PARPBP: variants seen among roughly 807,000 people sequenced by gnomAD.
PARPBP encodes the protein PCNA-interacting partner.
PARPBP carries 52 observed loss-of-function variants against 50.0 expected under a neutral mutation model. The ratio of observed to expected loss-of-function variants is 1.04; its 90% CI spans 0.83 to 1.31. PARPBP has a LOEUF of 1.31. PARPBP is among the 50% of genes most tolerant of loss of function. The probability of loss-of-function intolerance (pLI) is 0.00; values close to 1 mark genes in which losing one functional copy is unlikely to be tolerated. For missense variants in PARPBP, 697 were observed against 672.0 expected (o/e 1.04, Z -0.41); for synonymous variants, 244 against 232.1 (o/e 1.05, Z -0.47).
intron 9 of PARPBP, among the ~76,000 whole-genome samples, chr12:102,189,731 A>G (rs1360005839): frequency 6.6e-6 from 1 of 152,156 alleles, no homozygotes; most frequent in African/African-American, 2.4e-5. Context: ...GTGAAAAAAA[A>G]CAGTGAATAA....
chr12:102,194,950 A>G (rs1355295119), intron 9 of PARPBP, among the ~76,000 whole-genome samples: 1 of 151,360 alleles, frequency 6.6e-6, no homozygotes, highest in Non-Finnish European at 1.5e-5. Flanking sequence ...TTCTATGATT[A>G]TGTATATCAC....
At chr12:102,146,852 A>T (rs916617477) in intron 2 of PARPBP, among the ~76,000 whole-genome samples, 1 of 152,144 alleles carries the variant, frequency 6.6e-6, no homozygotes, top group Admixed American at 6.5e-5. Flanking sequence ...GTCTACAATG[A>T]ACTCAAACAA....
chr12:102,128,917 A>G (rs1882428800), intron 2 of PARPBP, among the ~76,000 whole-genome samples: 1 of 152,152 alleles, frequency 6.6e-6, no homozygotes, highest in African/African-American at 2.4e-5. Flanking sequence ...TACTAATTAC[A>G]TTTCCACCAA....
At chr12:102,158,127 A>AG (rs1887159928) in intron 4 of PARPBP, among the ~76,000 whole-genome samples, 1 of 150,414 alleles carries the variant, frequency 6.6e-6, no homozygotes, top group South Asian at 2.1e-4. Flanking sequence ...TCTCAAAAAA[A>AG]AAAAAAAAAA....
intron 6 of PARPBP, among the ~76,000 whole-genome samples, chr12:102,167,232 T>C (rs1370019158): frequency 6.6e-6 from 1 of 152,182 alleles, no homozygotes; most frequent in Non-Finnish European, 1.5e-5. Context: ...AGTAGCTTTC[T>C]CAGAAAAAGT....
chr12:102,145,777 G>C (rs1407548968), intron 2 of PARPBP, among the ~76,000 whole-genome samples: 3 of 152,124 alleles, frequency 2.0e-5, no homozygotes, highest in Non-Finnish European at 4.4e-5. Context: ...ACAACTTATA[G>C]AAAGAAACCT....
chr12:102,161,694 G>A (rs1445805558), intron 4 of PARPBP, among the ~76,000 whole-genome samples: 2 of 152,072 alleles, frequency 1.3e-5, no homozygotes, highest in Non-Finnish European at 2.9e-5. Flanking sequence ...GTCAAGGCAG[G>A]AGGATCACTT....
At chr12:102,195,010 C>G (rs1891145598) in intron 9 of PARPBP, among the ~76,000 whole-genome samples, 1 of 151,404 alleles carries the variant, frequency 6.6e-6, no homozygotes, top group South Asian at 2.1e-4. Flanking sequence ...AGTGCTGACA[C>G]AGGAACATGT....
intron 7 of PARPBP, among the ~76,000 whole-genome samples, chr12:102,176,802 G>T (rs758723242): frequency 3.3e-5 from 5 of 152,084 alleles, no homozygotes; most frequent in Non-Finnish European, 7.4e-5. Context: ...TTCTATAACA[G>T]TGCTTGTTTT....
At chr12:102,147,726 T>TA (rs546140105) in intron 2 of PARPBP, among the ~76,000 whole-genome samples, 3,456 of 151,784 alleles carry the variant, frequency 0.023, 115 homozygotes, top group African/African-American at 0.067. Flanking sequence ...AATAATAAAA[T>TA]AAAAAAAATT....
intron 4 of PARPBP, among the ~76,000 whole-genome samples, chr12:102,157,422 C>T (rs559883383): frequency 1.3e-5 from 2 of 151,790 alleles, no homozygotes; most frequent in East Asian, 3.9e-4. Flanking sequence ...TCTCCTTAGA[C>T]TCTTTTACTC....
intron 4 of PARPBP, among the ~76,000 whole-genome samples, chr12:102,159,733 A>G (rs1168064752): frequency 6.6e-6 from 1 of 152,070 alleles, no homozygotes; most frequent in Non-Finnish European, 1.5e-5. Flanking sequence ...TTTTTGTCCA[A>G]CTTTTTTTTT....
chr12:102,140,704 A>T (rs1293703656), intron 2 of PARPBP, among the ~76,000 whole-genome samples: 1 of 152,204 alleles, frequency 6.6e-6, no homozygotes, highest in Non-Finnish European at 1.5e-5. Context: ...TATTGGTTTC[A>T]AAGAACATCT....
chr12:102,176,039 A>G (rs925540347), intron 7 of PARPBP, among the ~76,000 whole-genome samples: 6 of 151,614 alleles, frequency 4.0e-5, no homozygotes, highest in African/African-American at 1.5e-4. Flanking sequence ...CTGTAGTGCA[A>G]TGGCACGATC....
chr12:102,174,860 C>T (rs1307191704), intron 6 of PARPBP, among the ~76,000 whole-genome samples: 1 of 152,156 alleles, frequency 6.6e-6, no homozygotes, highest in East Asian at 1.9e-4. Context: ...ATAGTTGGTC[C>T]AGTTTCTTGT....
At chr12:102,145,801 A>C (rs959550314) in intron 2 of PARPBP, among the ~76,000 whole-genome samples, 2 of 152,198 alleles carry the variant, frequency 1.3e-5, no homozygotes, top group African/African-American at 2.4e-5. Flanking sequence ...TCTTTTTAGC[A>C]CTTGTTTGTT....
intron 6 of PARPBP, 81 bp downstream of exon 6, chr12:102,165,964 T>C (rs1888100944): frequency 1.1e-6 from 1 of 903,582 alleles, no homozygotes; most frequent in African/African-American, 1.7e-5. Flanking sequence ...TAAGGGATAT[T>C]GAAATGACCA....
intron 9 of PARPBP, among the ~76,000 whole-genome samples, chr12:102,184,045 T>TAAAAAAAA (rs1439383703): frequency 2.4e-5 from 1 of 42,522 alleles, no homozygotes; most frequent in African/African-American, 1.5e-4. Context: ...AGACTCTATC[T>TAAAAAAAA]GAAAAAAAAA....
intron 2 of PARPBP, among the ~76,000 whole-genome samples, chr12:102,145,932 G>A (rs963918036): frequency 1.5e-4 from 23 of 152,060 alleles, no homozygotes; most frequent in African/African-American, 5.6e-4. Context: ...CTGATGTTTT[G>A]CTTTCCTAGT....
Sources: allele counts gnomAD v4.1 joint callset (sites outside exome capture counted in the v4.1 genomes callset), GRCh38; gene constraint gnomAD v4.1.1; transcripts MANE v1.5; gene names NCBI Gene and HGNC (gene_info 2026-07-23, HGNC 2026-07-21).